Variants in SLC14A2 observed in about 807,000 individuals in gnomAD.
SLC14A2 encodes solute carrier family 14 member 2.
A neutral mutation model predicts 104.6 loss-of-function variants in SLC14A2; 91 were observed. The observed-to-expected ratio is 0.87, with a 90% confidence interval of 0.73 to 1.04. SLC14A2 has a LOEUF of 1.04. Ranked by LOEUF, SLC14A2 falls within the 50% of genes least tolerant of loss-of-function variation. The pLI is 0.00. For missense variants in SLC14A2, 1,189 were observed against 1,156.0 expected (o/e 1.03, Z -0.41); for synonymous variants, 476 against 466.4 (o/e 1.02, Z -0.27).
intron 2 of SLC14A2, among the ~76,000 whole-genome samples, chr18:45,484,036 T>A (rs1325193222): frequency 2.0e-5 from 3 of 152,202 alleles, no homozygotes; most frequent in Non-Finnish European, 4.4e-5. Flanking sequence ...ACAGATAACA[T>A]TCAAACTTTG....
chr18:45,673,360 G>C (rs905266289), intron 17 of SLC14A2, among the ~76,000 whole-genome samples: 1 of 152,214 alleles, frequency 6.6e-6, no homozygotes, highest in African/African-American at 2.4e-5. Flanking sequence ...TTCTCCATTA[G>C]AGAATTAAGG....
At chr18:45,187,379 T>C in the SLC14A2 span, among the ~76,000 whole-genome samples, 9 of 152,088 alleles carry the variant, frequency 5.9e-5, no homozygotes, top group African/African-American at 2.2e-4. Context: ...CCAAACTGAA[T>C]AAAGCAAAGT....
At chr18:45,452,404 C>T (rs1418063330) in intron 1 of SLC14A2, among the ~76,000 whole-genome samples, 2 of 152,150 alleles carry the variant, frequency 1.3e-5, no homozygotes, top group African/African-American at 2.4e-5. Flanking sequence ...CTTGACTTTA[C>T]ATACTATGTC....
At chr18:45,546,862 G>A (rs956211464) in intron 2 of SLC14A2, among the ~76,000 whole-genome samples, 2 of 152,224 alleles carry the variant, frequency 1.3e-5, no homozygotes, top group African/African-American at 4.8e-5. Flanking sequence ...TGTTCTCTTG[G>A]ATGCTTTTAG....
chr18:45,512,978 A>T (rs1323831415), intron 2 of SLC14A2, among the ~76,000 whole-genome samples: 2 of 152,156 alleles, frequency 1.3e-5, no homozygotes, highest in African/African-American at 4.8e-5. Flanking sequence ...ATTCTTTGGG[A>T]GTCTCTGTTG....
At chr18:45,643,614 C>T (rs934188980) in intron 9 of SLC14A2, among the ~76,000 whole-genome samples, 3 of 152,188 alleles carry the variant, frequency 2.0e-5, no homozygotes, top group African/African-American at 7.2e-5. Flanking sequence ...CTCACTGCAG[C>T]TCCAACCTCC....
intron 1 of SLC14A2, among the ~76,000 whole-genome samples, chr18:45,217,093 C>T (rs1369547920): frequency 6.6e-6 from 1 of 151,904 alleles, no homozygotes; most frequent in Non-Finnish European, 1.5e-5. Context: ...TCTGTAGATT[C>T]AAAACCCAAT....
intron 1 of SLC14A2, among the ~76,000 whole-genome samples, chr18:45,322,163 A>G (rs765824822): frequency 1.3e-5 from 2 of 152,228 alleles, no homozygotes; most frequent in Non-Finnish European, 2.9e-5. Context: ...AAATACTTTC[A>G]TCTTATTCAT....
At chr18:45,480,943 A>ATATATT (rs891955855) in intron 1 of SLC14A2, among the ~76,000 whole-genome samples, 1 of 151,956 alleles carries the variant, frequency 6.6e-6, no homozygotes, top group Admixed American at 6.6e-5. Context: ...ATATATATAT[A>ATATATT]TATTAAGACT....
chr18:45,333,053 C>A (rs2085304904), intron 1 of SLC14A2, among the ~76,000 whole-genome samples: 2 of 152,174 alleles, frequency 1.3e-5, no homozygotes, highest in South Asian at 4.1e-4. Context: ...TATCATTCAG[C>A]AAGGCTTTTC....
chr18:45,545,576 A>G (rs766615814), intron 2 of SLC14A2, among the ~76,000 whole-genome samples: 9 of 152,228 alleles, frequency 5.9e-5, no homozygotes, highest in African/African-American at 1.9e-4. Flanking sequence ...TTTTATAATT[A>G]TCAAGAAACA....
At chr18:45,432,968 C>A (rs1314775895) in intron 1 of SLC14A2, among the ~76,000 whole-genome samples, 1 of 152,154 alleles carries the variant, frequency 6.6e-6, no homozygotes, top group Non-Finnish European at 1.5e-5. Flanking sequence ...TATTTTGCCA[C>A]CACAGATTTG....
At chr18:45,373,042 G>A (rs1417186395) in intron 1 of SLC14A2, among the ~76,000 whole-genome samples, 4 of 152,270 alleles carry the variant, frequency 2.6e-5, no homozygotes, top group African/African-American at 9.6e-5. Flanking sequence ...GGCCAGAACA[G>A]CTCTAGACTA....
At chr18:45,209,075 G>A (rs1318507206), upstream of SLC14A2, among the ~76,000 whole-genome samples, 5 of 149,192 alleles carry the variant, frequency 3.4e-5, no homozygotes, top group Non-Finnish European at 5.9e-5. Flanking sequence ...GGTGGCTCAC[G>A]TCTGTAATCC....
intron 1 of SLC14A2, among the ~76,000 whole-genome samples, chr18:45,475,665 A>AG (rs1164255309): frequency 5.2e-5 from 5 of 96,364 alleles, no homozygotes; most frequent in Non-Finnish European, 8.8e-5. Context: ...ATATATATAT[A>AG]TATATATATA....
intron 1 of SLC14A2, among the ~76,000 whole-genome samples, chr18:45,255,448 G>A (rs928164612): frequency 6.6e-6 from 1 of 152,204 alleles, no homozygotes; most frequent in African/African-American, 2.4e-5. Flanking sequence ...TTTGTCCGGG[G>A]CTCCATTGTC....
intron 1 of SLC14A2, among the ~76,000 whole-genome samples, chr18:45,286,798 T>C (rs1424850982): frequency 6.6e-6 from 1 of 152,188 alleles, no homozygotes; most frequent in Non-Finnish European, 1.5e-5. Context: ...ATAGATGTTA[T>C]GGAAATGACG....
intron 1 of SLC14A2, among the ~76,000 whole-genome samples, chr18:45,371,525 G>A (rs913436064): frequency 2.0e-5 from 3 of 152,074 alleles, no homozygotes; most frequent in African/African-American, 7.2e-5. Context: ...CTTTTGCAGA[G>A]GAATAAACTG....
chr18:45,299,168 G>GTTAA (rs2084944143), intron 1 of SLC14A2, among the ~76,000 whole-genome samples: 2 of 152,212 alleles, frequency 1.3e-5, no homozygotes, highest in African/African-American at 2.4e-5. Context: ...AAGCAGTAGG[G>GTTAA]TACATTCAAG....
Sources: allele counts gnomAD v4.1 joint callset (sites outside exome capture counted in the v4.1 genomes callset), GRCh38; gene constraint gnomAD v4.1.1; transcripts MANE v1.5; gene names NCBI Gene and HGNC (gene_info 2026-07-23, HGNC 2026-07-21).